Variants in SLC23A2 observed in about 807,000 individuals in gnomAD.
SLC23A2 encodes solute carrier family 23 member 2, also known as Na(+)/L-ascorbic acid transporter 2.
In SLC23A2, 36 loss-of-function variants were observed where a neutral mutation model predicts 73.3. The observed-to-expected ratio is 0.49, with a 90% CI of 0.38 to 0.65. The LOEUF is 0.65. SLC23A2 is among the 30% of genes least tolerant of loss of function. The pLI is 0.00. For synonymous variants in SLC23A2, 343 were observed against 327.3 expected (o/e 1.05, Z -0.52); for missense variants, 507 against 841.6 (o/e 0.60, Z 4.92).
intron 8 of SLC23A2, 99 bp downstream of exon 8, chr20:4,884,654 A>C (rs1931025446): frequency 3.8e-6 from 3 of 785,004 alleles, no homozygotes; most frequent in Admixed American, 4.0e-5. Context: ...AAAAGAAAAG[A>C]AGGGCTCAGT....
Position 4,947,235 on chromosome 20 carries a change from T to C in SLC23A2, c.-154-14519A>G, listed in dbSNP as rs1445872870. Among the ~76,000 whole-genome samples, 2 of 152,116 alleles carry C rather than the reference T, an allele frequency of 1.3e-5. No homozygotes were observed. The highest frequency in any genetic ancestry group is 4.8e-5 in the African/African-American group (2 of 41,414). ...AATGCATAAAAGGCATTCAAATACT[T>C]GGGGAAATCCCTGACTCGTTCAGGG... On this transcript the variant is annotated intron_variant, in intron 2 of 16. Transcript: ENST00000338244. This position sits in a 1 kb window ranked among gnomAD's most constrained non-coding sequence, Gnocchi z 4.4.
chr20:4,999,896 T>C (rs1174355273), intron 1 of SLC23A2, among the ~76,000 whole-genome samples: 1 of 152,156 alleles, frequency 6.6e-6, no homozygotes, highest in Admixed American at 6.5e-5. Flanking sequence ...TGCCTTGGTA[T>C]TAAAAGAAAG....
At chr20:4,931,053 C>A (rs1422434572) in intron 3 of SLC23A2, among the ~76,000 whole-genome samples, 16 of 81,538 alleles carry the variant, frequency 2.0e-4, no homozygotes, top group Admixed American at 8.8e-4. Context: ...CTTAAAATAA[C>A]TGTTATTTTT....
chr20:4,989,189 A>T (rs1461333989), intron 1 of SLC23A2, among the ~76,000 whole-genome samples: 2 of 150,880 alleles, frequency 1.3e-5, no homozygotes, highest in Non-Finnish European at 3.0e-5. Flanking sequence ...CAATGAGCCG[A>T]GATCGCTGCT....
Position 4,915,664 on chromosome 20 carries a change from G to A in SLC23A2, c.109-2686C>T, listed in dbSNP as rs116823808. 2.8e-3 allele frequency among the ~76,000 whole-genome samples: 421 copies of A among 152,212 alleles called. 4 individuals are homozygous for A. The highest frequency in any genetic ancestry group is 9.7e-3 in the African/African-American group (403 of 41,552). ...GAAGTGGGTTTTTAAGTATGCCAGA[G>A]AGGCCAGGCGCAGTGGCTCATGCCT... On this transcript the variant is annotated intron_variant, in intron 3 of 16. Transcript: ENST00000338244.
intron 2 of SLC23A2, among the ~76,000 whole-genome samples, chr20:4,938,781 TCC>T (rs2086999539): frequency 6.6e-6 from 1 of 152,204 alleles, no homozygotes; most frequent in African/African-American, 2.4e-5. Context: ...AGGCCCCCTT[TCC>T]CAGTCCCTCA....
chr20:4,870,188 C>A (rs1930388534), intron 11 of SLC23A2, 135 bp from the exon 12 acceptor site: 1 of 753,692 alleles, frequency 1.3e-6, no homozygotes, highest in South Asian at 2.2e-5. Flanking sequence ...GGAAACTGTT[C>A]ATTTTAAAAT....
chr20:4,961,171 G>A lies in SLC23A2; in HGVS notation c.-155+9622C>T, dbSNP rs185085987. ...CGCCCAGGCTGGAGTGCGGCGGCAC[G>A]ATCTTGGCTCACTGCAACCTGCACC... On this transcript the variant is annotated intron_variant, in intron 2 of 16. Transcript: ENST00000338244. 2.3e-3 allele frequency among the ~76,000 whole-genome samples: 347 copies of A among 147,944 alleles called. 14 individuals carry two copies. The East Asian group carries it at 0.058, about 25-fold the overall frequency.
chr20:4,961,913 T>C (rs967515968), intron 2 of SLC23A2, among the ~76,000 whole-genome samples: 4 of 152,202 alleles, frequency 2.6e-5, no homozygotes, highest in African/African-American at 9.7e-5. Context: ...ACAGACCATC[T>C]GCAGTGATTG....
chr20:4,974,622 GTTT>G (rs1197597023), intron 1 of SLC23A2, among the ~76,000 whole-genome samples: 3 of 152,018 alleles, frequency 2.0e-5, no homozygotes, highest in African/African-American at 7.2e-5. Flanking sequence ...TTGGCATTTT[GTTT>G]TTTAAGTTTA....
chr20:4,878,340 C>A (rs940598257), intron 9 of SLC23A2, among the ~76,000 whole-genome samples: 22 of 151,930 alleles, frequency 1.4e-4, no homozygotes, highest in Admixed American at 1.2e-3. Flanking sequence ...GTGCCCGCCA[C>A]TACACCCAGC....
intron 2 of SLC23A2, among the ~76,000 whole-genome samples, chr20:4,938,572 C>T (rs1053860979): frequency 6.6e-6 from 1 of 152,158 alleles, no homozygotes; most frequent in African/African-American, 2.4e-5. Context: ...GGTGATCCGC[C>T]CACCTTGGCC....
intron 9 of SLC23A2, among the ~76,000 whole-genome samples, chr20:4,879,701 A>G (rs1220153352): frequency 1.3e-5 from 2 of 152,134 alleles, no homozygotes; most frequent in African/African-American, 4.8e-5. Flanking sequence ...ACAAATAAAA[A>G]AAAACCTACC....
At position 4,923,144 on chromosome 20, in the gene SLC23A2, T is replaced by G. The variant is rs570068505; in HGVS notation, c.108+9311A>C. On this transcript the variant is annotated intron_variant, in intron 3 of 16. Transcript: ENST00000338244. ...ATCTAGGACTGGGTGTGGTGGCTTA[T>G]GCCTGTAATCCCAGCACTTTGGGAG... Among the ~76,000 whole-genome samples, 298 of 151,812 alleles carry G rather than the reference T, an allele frequency of 2.0e-3. 1 individual carries two copies. The highest frequency in any genetic ancestry group is 6.3e-3 in the African/African-American group (259 of 41,392).
rs574379772 is a variant in SLC23A2, at chr20:4,868,072, ATT to A, written c.1251-199_1251-198del. On this transcript the variant is annotated intron_variant, in intron 12 of 16. Coordinates refer to ENST00000338244, the MANE Select transcript of SLC23A2 (RefSeq NM_005116.6). The surrounding 1 kb of genome is among the most constrained non-coding windows in gnomAD (Gnocchi z 4.4). ...CCTGCTGAAGCAGAAAAGAATCTGC[ATT>A]TTTTTTTTTTTTTTTTTTTTTTTTA... is the stretch of plus-strand genomic sequence containing the variant. Among the ~76,000 whole-genome samples the A allele has an allele frequency of 0.2, 19,130 of 93,590 alleles. 1,986 individuals are homozygous for A. The highest frequency in any genetic ancestry group is 0.32 in the African/African-American group (6,577 of 20,398). The allele number at this position is 93,590 out of a possible 152,430, so 61.4% of individuals were successfully genotyped here.
intron 9 of SLC23A2, among the ~76,000 whole-genome samples, chr20:4,877,839 C>T (rs1370541274): frequency 1.3e-5 from 2 of 152,156 alleles, no homozygotes; most frequent in African/African-American, 4.8e-5. Context: ...TAGGTCCTAC[C>T]AAGGACGTAT....
At chr20:4,995,286 C>T (rs1434300424) in intron 1 of SLC23A2, among the ~76,000 whole-genome samples, 1 of 152,156 alleles carries the variant, frequency 6.6e-6, no homozygotes, top group Non-Finnish European at 1.5e-5. Flanking sequence ...GAATGAACCA[C>T]AGGCAAACAA....
chr20:4,993,230 G>A (rs778024944), intron 1 of SLC23A2, among the ~76,000 whole-genome samples: 2 of 150,352 alleles, frequency 1.3e-5, no homozygotes, highest in Non-Finnish European at 2.9e-5. Flanking sequence ...CTTGCAGTGA[G>A]CTGAGATCGT....
At chr20:4,931,573 A>G (rs557836626) in intron 3 of SLC23A2, among the ~76,000 whole-genome samples, 1 of 152,256 alleles carries the variant, frequency 6.6e-6, no homozygotes, top group Non-Finnish European at 1.5e-5. Context: ...ACTACGCAAC[A>G]CAGTGAGACC....
Sources: gnomAD v4.1 joint callset for allele counts (sites outside exome capture counted in the v4.1 genomes callset) on GRCh38, gnomAD v4.1.1 for gene constraint, Gnocchi (gnomAD v3.1) non-coding constraint, MANE v1.5 for transcripts, NCBI Gene and HGNC (gene_info 2026-07-23, HGNC 2026-07-21) for gene names.